Variants in NEK10 observed in about 807,000 individuals in gnomAD.
NEK10 encodes the protein NIMA related kinase 10.
NEK10 carries 122 observed loss-of-function variants against 159.8 expected under a neutral mutation model. That is an observed-to-expected ratio of 0.76 (90% CI 0.66 to 0.89). The LOEUF (loss-of-function observed/expected upper bound fraction) is 0.89, where lower values mean the gene tolerates loss of function less well. NEK10 is among the 40% of genes least tolerant of loss of function. The pLI is 0.00. For synonymous variants in NEK10, 466 were observed against 457.1 expected (o/e 1.02, Z -0.25); for missense variants, 1,342 against 1,323.1 (o/e 1.01, Z -0.22).
chr3:27,304,721 G>C (rs751487016), intron 12 of NEK10, 26 bp downstream of exon 12: 2 of 1,489,540 alleles, frequency 1.3e-6, no homozygotes, highest in South Asian at 2.3e-5. Flanking sequence ...ACAGGGCAAA[G>C]TAGGCCAAAG....
chr3:27,173,291 C>T lies in NEK10; in HGVS notation c.2776+1148G>A, dbSNP rs77554509. 6.9e-3 allele frequency among the ~76,000 whole-genome samples: 1,057 copies of T among 152,280 alleles called. 7 individuals are homozygous for T. Among genetic ancestry groups the T allele is most frequent in the Non-Finnish European group, 0.012 (792 of 68,008 alleles). On this transcript the variant is annotated intron_variant, in intron 28 of 35. Coordinates refer to ENST00000691995, the MANE Select transcript of NEK10 (RefSeq NM_001394966.1). The stretch of plus-strand genomic sequence containing the variant: ...ACCATATGCAAATTTAAGGGTCAAG[C>T]ATCTCTTTCCTACCTCCCCACTAAC...
At position 27,352,804 on chromosome 3, in the gene NEK10, G is replaced by A. The variant is rs767435743; in HGVS notation, c.71+8C>T. On this transcript the variant is annotated splice_region_variant and intron_variant, in intron 2 of 35. Transcript: ENST00000691995. ...TTAACAATTAGCAAACACTCAGTAG[G>A]GAGTTACCTGATGGTGATTTCTTGC... 4.4e-6 allele frequency: 7 copies of A among 1,589,348 alleles called. No individual in the cohort carries two copies. The highest frequency in any genetic ancestry group is 2.2e-5 in the South Asian group (2 of 90,610).
chr3:27,207,352 G>C (rs1461621232), intron 23 of NEK10, among the ~76,000 whole-genome samples: 3 of 152,110 alleles, frequency 2.0e-5, no homozygotes, highest in Admixed American at 6.6e-5. Flanking sequence ...AAAACCTTAA[G>C]AGAAATTGAA....
intron 20 of NEK10, among the ~76,000 whole-genome samples, chr3:27,286,154 T>C (rs1291941686): frequency 9.5e-5 from 14 of 147,388 alleles, no homozygotes; most frequent in East Asian, 5.9e-4. Flanking sequence ...GGCGCGATCT[T>C]GGCTCACTGC....
intron 23 of NEK10, among the ~76,000 whole-genome samples, chr3:27,228,506 C>T (rs1417896066): frequency 6.6e-6 from 1 of 152,068 alleles, no homozygotes; most frequent in African/African-American, 2.4e-5. Flanking sequence ...GCACATTCTG[C>T]TTATTTCTAC....
At chr3:27,229,249 G>A (rs1004479400) in intron 23 of NEK10, among the ~76,000 whole-genome samples, 5 of 152,048 alleles carry the variant, frequency 3.3e-5, no homozygotes, top group African/African-American at 1.2e-4. Context: ...TACAACTTAG[G>A]AACTCATACA....
chr3:27,206,612 T>C (rs913791980), intron 23 of NEK10: 9 of 985,258 alleles, frequency 9.1e-6, no homozygotes, highest in African/African-American at 1.7e-5. Context: ...AAGTCTTCCA[T>C]TGAAACCATA....
intron 23 of NEK10, among the ~76,000 whole-genome samples, chr3:27,251,827 C>A (rs1381663704): frequency 2.0e-5 from 3 of 152,066 alleles, no homozygotes; most frequent in Admixed American, 6.6e-5. Flanking sequence ...CCTACTTGAT[C>A]TCATTTACTC....
At chr3:27,310,868 A>G (rs959785312) in intron 9 of NEK10, 81 bp downstream of exon 9, 2 of 831,602 alleles carry the variant, frequency 2.4e-6, no homozygotes, top group African/African-American at 1.7e-5. Context: ...CACATGACTT[A>G]ACCGCAAAGG....
intron 15 of NEK10, 50 bp from the exon 16 acceptor site, chr3:27,293,702 A>G: frequency 1.0e-6 from 1 of 995,044 alleles, no homozygotes; most frequent in Non-Finnish European, 1.5e-6. Context: ...CAACAAATTA[A>G]AACATTTTCA....
intron 5 of NEK10, among the ~76,000 whole-genome samples, chr3:27,337,379 A>G (rs559805609): frequency 6.6e-6 from 1 of 152,254 alleles, no homozygotes; most frequent in South Asian, 2.1e-4. Context: ...TAAAATGACC[A>G]TACTACCCAA....
At chr3:27,174,891 C>A (rs939518075) in intron 26 of NEK10, 58 bp from the exon 27 acceptor site, 3 of 1,400,696 alleles carry the variant, frequency 2.1e-6, no homozygotes, top group Admixed American at 2.4e-5. Context: ...TTCTATAGGA[C>A]CTAAATCTTG....
Position 27,174,646 on chromosome 3 carries a change from G to A in NEK10, c.2689+4C>T, listed in dbSNP as rs1947331246. The A allele has an allele frequency of 1.2e-6, 2 of 1,608,446 alleles. No homozygotes were observed. The highest frequency in any genetic ancestry group is 1.7e-6 in the Non-Finnish European group (2 of 1,177,554). On this transcript the variant is annotated splice_donor_region_variant and intron_variant, in intron 27 of 35. Transcript: ENST00000691995. ...CTACGTTGACACACTGCCACTAGCA[G>A]TACCTTTCTCAGCATTTTCCAGGTT...
chr3:27,285,548 A>AC (rs1272205568), intron 20 of NEK10, among the ~76,000 whole-genome samples: 7 of 152,140 alleles, frequency 4.6e-5, no homozygotes, highest in Non-Finnish European at 1.0e-4. Flanking sequence ...AAACAAACAA[A>AC]AAAAAACAAA....
In NEK10 at chr3:27,307,960, A is replaced by T. The variant is rs1410180965; in HGVS notation, c.717-15T>A. The T allele has an allele frequency of 8.3e-7, 1 of 1,211,888 alleles. No individual in the cohort carries two copies. Among genetic ancestry groups the T allele is most frequent in the Non-Finnish European group, 1.2e-6 (1 of 816,146 alleles). The allele number at this position is 1,211,888 out of a possible 1,614,324, so 75.1% of individuals were successfully genotyped here. A position where few individuals can be genotyped will look rare whatever the true frequency, so the allele number is the denominator to read the frequency against. Reference sequence around the variant, plus strand: ...TACATTCTTGACTATAAATTGAAAAATATTAGCAATTACTAAAAGCATATT... The same window carrying T: ...TACATTCTTGACTATAAATTGAAAATTATTAGCAATTACTAAAAGCATATT... On this transcript the variant is annotated splice_polypyrimidine_tract_variant and intron_variant, in intron 10 of 35. Coordinates refer to ENST00000691995, the MANE Select transcript of NEK10 (RefSeq NM_001394966.1).
intron 22 of NEK10, among the ~76,000 whole-genome samples, chr3:27,260,436 T>C (rs1212796731): frequency 6.6e-6 from 1 of 152,226 alleles, no homozygotes; most frequent in Non-Finnish European, 1.5e-5. Context: ...TGAAGCGTTG[T>C]TGAATTTTGT....
At chr3:27,334,504 C>T (rs2149726247) in intron 5 of NEK10, among the ~76,000 whole-genome samples, 1 of 152,218 alleles carries the variant, frequency 6.6e-6, no homozygotes, top group African/African-American at 2.4e-5. Flanking sequence ...GCATGATATC[C>T]CACTGATGCC....
intron 22 of NEK10, among the ~76,000 whole-genome samples, chr3:27,274,455 G>A (rs1365845055): frequency 1.3e-5 from 2 of 152,054 alleles, no homozygotes; most frequent in Non-Finnish European, 1.5e-5. Flanking sequence ...TGGGGTTAAT[G>A]GGAAGTAAAC....
intron 25 of NEK10, among the ~76,000 whole-genome samples, chr3:27,197,814 T>C (rs544627933): frequency 4.0e-5 from 6 of 151,806 alleles, no homozygotes; most frequent in African/African-American, 1.2e-4. Flanking sequence ...TTTTTTATTA[T>C]ACTTCAAGTT....
Sources: allele counts gnomAD v4.1 joint callset (sites outside exome capture counted in the v4.1 genomes callset), GRCh38; gene constraint gnomAD v4.1.1; transcripts MANE v1.5; gene names NCBI Gene and HGNC (gene_info 2026-07-23, HGNC 2026-07-21).